The following HUWE1 variants were observed in gnomAD, a reference collection of about 807,000 sequenced individuals.
The protein encoded by HUWE1 is HECT, UBA and WWE domain containing E3 ubiquitin protein ligase 1, also known as E3 ubiquitin-protein ligase HUWE1.
A neutral mutation model predicts 299.4 loss-of-function variants in HUWE1; 18 were observed. The ratio of observed to expected loss-of-function variants is 0.06; its 90% CI spans 0.04 to 0.09. The LOEUF (loss-of-function observed/expected upper bound fraction) is 0.09, where lower values mean the gene tolerates loss of function less well. HUWE1 is among the 10% of genes least tolerant of loss of function. The pLI is 1.00. For missense variants in HUWE1, 1,832 were observed against 3,462.3 expected (o/e 0.53, Z 11.82); for synonymous variants, 1,317 against 1,286.1 (o/e 1.02, Z -0.51).
chrX:53,567,479 TA>T (rs1283994518), intron 49 of HUWE1, among the ~76,000 whole-genome samples: 1 of 111,482 alleles, frequency 9.0e-6, no homozygotes, highest in Non-Finnish European at 1.9e-5. Context: ...TAATACGACT[TA>T]AAAATAGAAA....
At chrX:53,616,281 C>T (rs1557007390) in intron 21 of HUWE1, among the ~76,000 whole-genome samples, 1 of 108,862 alleles carries the variant, frequency 9.2e-6, no homozygotes, top group African/African-American at 3.4e-5. Context: ...AATGAATTTA[C>T]ACCCAGCCCC....
chrX:53,561,302 C>T (rs1261409095), intron 55 of HUWE1, among the ~76,000 whole-genome samples: 2 of 112,041 alleles, frequency 1.8e-5, no homozygotes, highest in Non-Finnish European at 1.9e-5. Context: ...TTCACTCGTT[C>T]TCCCGAAAAG....
chrX:53,657,700 C>T (rs1041158019), intron 3 of HUWE1, among the ~76,000 whole-genome samples: 18 of 111,219 alleles, frequency 1.6e-4, no homozygotes, highest in African/African-American at 5.9e-4. Context: ...AGGAAAAACA[C>T]CCTGGAGCTA....
Position 53,670,110 on chromosome X carries a change from T to C in HUWE1, c.-25+9939A>G, listed in dbSNP as rs180917134. Among the ~76,000 whole-genome samples the C allele has an allele frequency of 2.5e-3, 285 of 111,867 alleles. 1 individual carries two copies. The highest frequency in any genetic ancestry group is 0.014 in the Middle Eastern group (3 of 216). ...CACATGGCCAAATCGAACTGTTCCA[T>C]GAAAGAGCTCCAAGTTGATCTCATG... On this transcript the variant is annotated intron_variant, in intron 3 of 83. Transcript: ENST00000262854.
intron 3 of HUWE1, among the ~76,000 whole-genome samples, chrX:53,673,398 C>G (rs1299850176): frequency 3.6e-5 from 4 of 111,289 alleles, no homozygotes; most frequent in Non-Finnish European, 7.5e-5. Flanking sequence ...GGATGCGGCT[C>G]AAGTTTAAAC....
intron 19 of HUWE1, among the ~76,000 whole-genome samples, chrX:53,622,757 T>C (rs1432961629): frequency 1.8e-5 from 2 of 111,590 alleles, no homozygotes; most frequent in Non-Finnish European, 3.8e-5. Flanking sequence ...AGAAAAGGTA[T>C]CCAGAATAGT....
At chrX:53,588,968 A>G (rs2064004818) in intron 36 of HUWE1, among the ~76,000 whole-genome samples, 1 of 112,655 alleles carries the variant, frequency 8.9e-6, no homozygotes, top group African/African-American at 3.2e-5. Context: ...CTTGTGCATT[A>G]AAGTTCTATT....
intron 2 of HUWE1, chrX:53,683,845 T>TGGGGGGGGGGGGGGGGGGGGGGGGGGGG: frequency 1.6e-5 from 3 of 191,726 alleles, no homozygotes; most frequent in Non-Finnish European, 2.9e-5. Context: ...CCCTAGTCAC[T>TGGGGGGGGGGGGGGGGGGGGGGGGGGGG]GCCCCCCCAC....
At chrX:53,568,026 C>T (rs1422379964) in intron 49 of HUWE1, among the ~76,000 whole-genome samples, 1 of 111,758 alleles carries the variant, frequency 8.9e-6, no homozygotes, top group East Asian at 2.8e-4. Flanking sequence ...AAAACACGGT[C>T]GCTTCAACAA....
chrX:53,542,054 G>A (rs2061368015), intron 74 of HUWE1, among the ~76,000 whole-genome samples: 1 of 110,804 alleles, frequency 9.0e-6, no homozygotes, highest in Admixed American at 9.5e-5. Flanking sequence ...GTGGTGGTGG[G>A]CGCCTGTAAT....
chrX:53,588,351 A>C (rs2063967474), intron 37 of HUWE1, 31 bp downstream of exon 37: 1 of 1,188,783 alleles, frequency 8.4e-7, no homozygotes, highest in African/African-American at 1.8e-5. Context: ...TTCATGAATG[A>C]ATTACAAGGC....
At chrX:53,577,828 A>G (rs1294657676) in intron 43 of HUWE1, among the ~76,000 whole-genome samples, 3 of 114,245 alleles carry the variant, frequency 2.6e-5, no homozygotes, top group Admixed American at 1.8e-4. Context: ...TCAGTGCTCA[A>G]TGGTGCCCAG....
In HUWE1 at chrX:53,624,479, A is replaced by T. The variant is rs1291372251; in HGVS notation, c.1672+116T>A. On this transcript the variant is annotated intron_variant, in intron 19 of 83. Coordinates refer to ENST00000262854, the MANE Select transcript of HUWE1 (RefSeq NM_031407.7). ...GCCACTACACTCCAGCCTGGGCAAT[A>T]GAGTGAGACTCTGTCTCAAAAATAA... 3 of 558,123 alleles carry T rather than the reference A, an allele frequency of 5.4e-6. No homozygotes were observed. The African/African-American group carries it at 6.9e-5, about 13-fold the overall frequency. 46.0% of individuals were successfully genotyped at this position (558,123 alleles called of 1,213,427 possible).
intron 33 of HUWE1, 109 bp downstream of exon 33, chrX:53,592,289 T>C: frequency 1.7e-6 from 1 of 587,361 alleles, no homozygotes; most frequent in South Asian, 2.3e-5. Flanking sequence ...AACTGTCTCC[T>C]GGTTAATGTG....
At position 53,533,378 on chromosome X, in the gene HUWE1, G is replaced by A. The variant is rs2060851611; in HGVS notation, c.13056C>T (p.Ser4352=). The change falls in exon 84 of 84, where the codon AGC becomes AGT. Residue 4352 remains serine (S), a synonymous_variant. Coordinates refer to ENST00000262854, the MANE Select transcript of HUWE1 (RefSeq NM_031407.7). ...GTAGCATGTGGCGGAGCTTCTCAAAGCTCTCATAGGCAGGCAGATCCAGCT... is the reference window on the plus strand; with the variant it reads ...GTAGCATGTGGCGGAGCTTCTCAAAACTCTCATAGGCAGGCAGATCCAGCT... ...FNQLDLPAYE[S]FEKLRHMLLL... 1 of 1,202,283 alleles carries A rather than the reference G, an allele frequency of 8.3e-7. No homozygotes were observed. The highest frequency in any genetic ancestry group is 1.8e-5 in the African/African-American group (1 of 56,806).
intron 7 of HUWE1, 118 bp from the exon 8 acceptor site, chrX:53,634,416 T>C: frequency 3.8e-6 from 2 of 531,620 alleles, no homozygotes; most frequent in East Asian, 3.6e-5. Context: ...TATATACACA[T>C]ACATATATAT....
chrX:53,543,941 C>T lies in HUWE1; in HGVS notation c.11279G>A (p.Ser3760Asn), dbSNP rs1556920666. The change falls in exon 73 of 84, where the codon AGC (serine) becomes AAC (asparagine). Residue 3760 changes from serine to asparagine, a missense_variant. This residue lies in a region of HUWE1 where 41 missense variants were observed against 124.0 expected (regional missense o/e 0.33). Transcript: ENST00000262854. ...LGSSGLGSASSIQAAVRQLEA... is the reference protein window; with the variant it reads ...LGSSGLGSASNIQAAVRQLEA... Reference sequence around the variant, plus strand: ...CAGCTGCCGAACAGCTGCCTGGATGCTGCTAGCTGAGCCTAAACCGGAGGA... The same window carrying T: ...CAGCTGCCGAACAGCTGCCTGGATGTTGCTAGCTGAGCCTAAACCGGAGGA... 2 of 1,207,800 alleles carry T rather than the reference C, an allele frequency of 1.7e-6. No individual in the cohort carries two copies. The highest frequency in any genetic ancestry group is 1.1e-6 in the Non-Finnish European group (1 of 893,263).
chrX:53,547,695 C>T lies in HUWE1; in HGVS notation c.10614G>A (p.Thr3538=), dbSNP rs138042974. ...TACTTGAAACAGTAGTGGTAGCAGT[C>T]GTGGGGGTAGTCACTGTGGTCGAAG... ...VAASTTVTTP[T]TATTTVSISP... The change falls in exon 68 of 84, where the codon ACG becomes ACA. Residue 3538 remains threonine (T), a synonymous_variant. Coordinates refer to ENST00000262854, the MANE Select transcript of HUWE1 (RefSeq NM_031407.7). 32 of 1,207,924 alleles carry T rather than the reference C, an allele frequency of 2.6e-5. No individual in the cohort carries two copies. The highest frequency in any genetic ancestry group is 1.1e-4 in the Admixed American group (5 of 45,631).
At chrX:53,566,131 G>GTGTGTGTA (rs2062539447) in intron 49 of HUWE1, among the ~76,000 whole-genome samples, 2 of 55,499 alleles carry the variant, frequency 3.6e-5, no homozygotes, top group Non-Finnish European at 6.5e-5. Flanking sequence ...GTGTGTGTGT[G>GTGTGTGTA]TGTATATATA....
Sources: allele counts gnomAD v4.1 joint callset (sites outside exome capture counted in the v4.1 genomes callset), GRCh38; gene constraint gnomAD v4.1.1; regional missense constraint gnomAD v4.1.1; transcripts MANE v1.5; gene names NCBI Gene and HGNC (gene_info 2026-07-23, HGNC 2026-07-21).